ZMYND8: variants seen among roughly 807,000 people sequenced by gnomAD.
ZMYND8 encodes MYND-type zinc finger-containing chromatin reader ZMYND8.
A neutral mutation model predicts 140.8 loss-of-function variants in ZMYND8; 37 were observed. The ratio of observed to expected loss-of-function variants is 0.26; its 90% CI spans 0.20 to 0.35. ZMYND8 has a LOEUF of 0.35. Among genes scored for constraint, ZMYND8 ranks in the 10% least tolerant of loss-of-function variants. The pLI is 1.00. For missense variants in ZMYND8, 1,068 were observed against 1,570.0 expected, an observed-to-expected ratio of 0.68 and a Z score of 5.40; for synonymous variants, 592 against 597.1, an observed-to-expected ratio of 0.99 and a Z score of 0.12.
chr20:47,279,109 G>A (rs141208764), intron 10 of ZMYND8, among the ~76,000 whole-genome samples: 12 of 152,136 alleles, frequency 7.9e-5, no homozygotes, highest in Non-Finnish European at 1.6e-4. Flanking sequence ...GGCGCTCACT[G>A]TTCCCTTCCC....
At chr20:47,264,463 G>A (rs975275984) in intron 11 of ZMYND8, among the ~76,000 whole-genome samples, 1 of 152,034 alleles carries the variant, frequency 6.6e-6, no homozygotes, top group Non-Finnish European at 1.5e-5. Flanking sequence ...TTTTACTAGA[G>A]ACAGGGTTTT....
intron 2 of ZMYND8, among the ~76,000 whole-genome samples, chr20:47,336,880 T>C (rs962879225): frequency 3.9e-5 from 6 of 152,122 alleles, no homozygotes; most frequent in African/African-American, 1.4e-4. Flanking sequence ...ACTCTCCCAT[T>C]CACCAAAGCT....
chr20:47,329,972 T>C (rs112458123), intron 2 of ZMYND8, among the ~76,000 whole-genome samples: 1,809 of 152,274 alleles, frequency 0.012, 13 homozygotes, highest in Non-Finnish European at 0.017. Context: ...GAATTTCTGA[T>C]CAAAGCTGAA....
intron 8 of ZMYND8, 57 bp from the exon 9 acceptor site, chr20:47,283,705 C>G: frequency 6.6e-7 from 1 of 1,520,606 alleles, no homozygotes; most frequent in South Asian, 1.1e-5. Context: ...TCTTGTGGAC[C>G]TCAATCAATG....
chr20:47,287,422 T>G, intron 7 of ZMYND8, 138 bp from the exon 8 acceptor site: 1 of 708,640 alleles, frequency 1.4e-6, no homozygotes, highest in Non-Finnish European at 2.5e-6. Context: ...CAGAGGTTCC[T>G]GGCTTCTAAT....
intron 9 of ZMYND8, among the ~76,000 whole-genome samples, chr20:47,282,699 G>A (rs1259188116): frequency 1.3e-5 from 2 of 151,226 alleles, no homozygotes; most frequent in Non-Finnish European, 2.9e-5. Context: ...ACTCCAGCCA[G>A]GGCGACAGAT....
chr20:47,225,598 G>A (rs1275011389), intron 18 of ZMYND8, among the ~76,000 whole-genome samples: 1 of 43,418 alleles, frequency 2.3e-5, no homozygotes, highest in Non-Finnish European at 5.4e-5. Flanking sequence ...GAAGGGGAAG[G>A]AGGGGATGGG....
chr20:47,212,778 C>T, intron 21 of ZMYND8, 53 bp from the exon 22 acceptor site: 2 of 1,510,216 alleles, frequency 1.3e-6, no homozygotes, highest in African/African-American at 1.4e-5. Context: ...TGGAATTCCG[C>T]ACAACCCCAA....
Position 47,276,447 on chromosome 20 carries a change from C to A in ZMYND8, c.1347G>T (p.Met449Ile). 1 of 1,614,176 alleles carries A rather than the reference C, an allele frequency of 6.2e-7. No homozygotes were observed. Among genetic ancestry groups the A allele is most frequent in the Non-Finnish European group, 8.5e-7 (1 of 1,180,026 alleles). Residue 449 changes from methionine to isoleucine, a missense_variant, in exon 11 of 23, where the codon ATG becomes ATT. Around this residue, in one of 10 missense-constraint regions of ZMYND8, gnomAD observed 173 missense variants for 223.3 expected, o/e 0.77. Coordinates refer to ENST00000471951, the MANE Select transcript of ZMYND8 (RefSeq NM_001281775.3). Reference protein sequence around the residue: ...GTGRRISLSDMPRSPMSTNSS... With the variant: ...GTGRRISLSDIPRSPMSTNSS... Reference sequence around the variant, plus strand: ...AGTTTGTGCTCATGGGGGAGCGCGGCATATCCGACAAGGAAATCCGGCGGC... The same window carrying A: ...AGTTTGTGCTCATGGGGGAGCGCGGAATATCCGACAAGGAAATCCGGCGGC...
intron 11 of ZMYND8, among the ~76,000 whole-genome samples, chr20:47,269,868 A>G (rs1158519710): frequency 2.0e-5 from 3 of 152,254 alleles, no homozygotes; most frequent in African/African-American, 7.2e-5. Context: ...GAGCATGGCC[A>G]GATGGTCTAG....
At position 47,210,605 on chromosome 20, in the gene ZMYND8, G is replaced by A. The variant is rs982858785; in HGVS notation, c.*156C>T. 1 of 1,139,542 alleles carries A rather than the reference G, an allele frequency of 8.8e-7. No individual in the cohort carries two copies. Among genetic ancestry groups the A allele is most frequent in the Non-Finnish European group, 1.3e-6 (1 of 771,274 alleles). 70.6% of individuals were successfully genotyped at this position (1,139,542 alleles called of 1,614,324 possible). A position where few individuals can be genotyped will look rare whatever the true frequency, so the allele number is the denominator to read the frequency against. On this transcript the variant is annotated 3_prime_UTR_variant, in exon 23 of 23. Transcript: ENST00000471951. ...CAAAGCCGATGCTGGGTGTCCTGTA[G>A]TGTAGCAGCCCCCGCGCCGGGGGCT...
intron 11 of ZMYND8, among the ~76,000 whole-genome samples, chr20:47,273,985 G>A (rs188664268): frequency 1.3e-5 from 2 of 152,294 alleles, no homozygotes; most frequent in Admixed American, 1.3e-4. Flanking sequence ...TACCAGCAAG[G>A]AGATTATATT....
intron 12 of ZMYND8, among the ~76,000 whole-genome samples, chr20:47,252,644 G>A (rs77295525): frequency 0.11 from 17,155 of 152,186 alleles, 1,108 homozygotes; most frequent in South Asian, 0.27. Context: ...GGAGAGGACC[G>A]GGAACAGTGG....
chr20:47,262,199 G>T, intron 12 of ZMYND8, 89 bp downstream of exon 12: 1 of 1,576,088 alleles, frequency 6.3e-7, no homozygotes, highest in Non-Finnish European at 8.7e-7. Flanking sequence ...AGAGTTGAAG[G>T]TTCAAGAACC....
At position 47,255,806 on chromosome 20, in the gene ZMYND8, A is replaced by G. The variant is rs1253452497; in HGVS notation, c.1622-6367T>C. ...TTGTATGTGTATATATATATACCGT[A>G]TATATATATATTTGTATGTATATAT... On this transcript the variant is annotated intron_variant, in intron 12 of 22. Coordinates refer to ENST00000471951, the MANE Select transcript of ZMYND8 (RefSeq NM_001281775.3). Among the ~76,000 whole-genome samples, 3 of 138,490 alleles carry G rather than the reference A, an allele frequency of 2.2e-5. No individual in the cohort carries two copies. In the East Asian group the frequency reaches 6.2e-4, roughly 29 times the overall value. The allele number at this position is 138,490 out of a possible 152,430, so 90.9% of individuals were successfully genotyped here.
At chr20:47,267,515 A>G (rs2075619432) in intron 11 of ZMYND8, among the ~76,000 whole-genome samples, 1 of 151,766 alleles carries the variant, frequency 6.6e-6, no homozygotes, top group South Asian at 2.1e-4. Context: ...GGCAATTAAA[A>G]GACTGGGCAA....
chr20:47,213,717 T>C (rs1418064950), intron 21 of ZMYND8, among the ~76,000 whole-genome samples: 4 of 152,210 alleles, frequency 2.6e-5, no homozygotes, highest in Non-Finnish European at 4.4e-5. Context: ...GGCAAGTGTT[T>C]CACTGGAGCA....
intron 2 of ZMYND8, among the ~76,000 whole-genome samples, chr20:47,335,812 G>A (rs1027846719): frequency 6.6e-6 from 1 of 152,148 alleles, no homozygotes; most frequent in African/African-American, 2.4e-5. Context: ...AGACGATGCT[G>A]GCCAAGAGAA....
At chr20:47,281,460 A>G (rs184953258) in intron 10 of ZMYND8, among the ~76,000 whole-genome samples, 6 of 152,330 alleles carry the variant, frequency 3.9e-5, no homozygotes, top group Admixed American at 2.0e-4. Flanking sequence ...GAACTAAGAT[A>G]TTAACCGCTG....
Sources: gnomAD v4.1 joint callset for allele counts (sites outside exome capture counted in the v4.1 genomes callset) on GRCh38, gnomAD v4.1.1 for gene constraint, gnomAD v4.1.1 regional missense constraint, MANE v1.5 for transcripts, NCBI Gene and HGNC (gene_info 2026-07-23, HGNC 2026-07-21) for gene names.